The following SORBS2 variants were observed in gnomAD, a reference collection of about 807,000 sequenced individuals.
SORBS2 encodes sorbin and SH3 domain containing 2.
In SORBS2, 46 loss-of-function variants were observed where a neutral mutation model predicts 97.7. The observed-to-expected ratio is 0.47, with a 90% CI of 0.37 to 0.60. SORBS2 has a LOEUF of 0.60. Among genes scored for constraint, SORBS2 ranks in the 20% least tolerant of loss-of-function variants. SORBS2 has a pLI of 0.00. For synonymous variants in SORBS2, 476 were observed against 473.4 expected, an observed-to-expected ratio of 1.01 and a Z score of -0.07; for missense variants, 1,316 against 1,282.3, an observed-to-expected ratio of 1.03 and a Z score of -0.40.
chr4:185,750,379 T>C (rs1231804972), intron 2 of SORBS2, among the ~76,000 whole-genome samples: 4 of 152,236 alleles, frequency 2.6e-5, no homozygotes, highest in Non-Finnish European at 5.9e-5. Context: ...CAGGAAGAAC[T>C]GAGAGCGGGT....
Position 185,649,458 on chromosome 4 carries a change from A to G in SORBS2, c.281+9T>C, listed in dbSNP as rs1354783893. ...GAAACATAGGCCACCCTGGGGGGAA[A>G]TGCCTTACTTTTCTGTTGAAGACCG... On this transcript the variant is annotated intron_variant, in intron 3 of 14. Coordinates refer to ENST00000418609, the Ensembl canonical transcript of SORBS2. 4 of 1,560,164 alleles carry G rather than the reference A, an allele frequency of 2.6e-6. No homozygotes were observed. Among genetic ancestry groups the G allele is most frequent in the East Asian group, 4.8e-5 (2 of 41,858 alleles).
chr4:185,671,451 T>C (rs930714880), intron 4 of SORBS2, among the ~76,000 whole-genome samples: 2 of 152,212 alleles, frequency 1.3e-5, no homozygotes, highest in African/African-American at 4.8e-5. Flanking sequence ...GGCAACTTGT[T>C]TAATTTCCTT....
chr4:185,661,678 A>G (rs2097524419), upstream of SORBS2, among the ~76,000 whole-genome samples: 1 of 152,040 alleles, frequency 6.6e-6, no homozygotes, highest in South Asian at 2.1e-4. Flanking sequence ...GCTATGTGGG[A>G]CAGCCTGTCC....
chr4:185,905,149 C>G (rs2099250067), intron 1 of SORBS2, among the ~76,000 whole-genome samples: 1 of 151,958 alleles, frequency 6.6e-6, no homozygotes, highest in African/African-American at 2.4e-5. Flanking sequence ...GCCAGCCTAC[C>G]AGACCATCTG....
At chr4:185,798,569 G>A (rs1265766156) in intron 1 of SORBS2, among the ~76,000 whole-genome samples, 4 of 152,034 alleles carry the variant, frequency 2.6e-5, no homozygotes, top group Admixed American at 6.5e-5. Context: ...AAAAAGCCTC[G>A]TTTTTAAAAA....
chr4:185,617,010 A>C (rs2096638587), intron 9 of SORBS2, among the ~76,000 whole-genome samples: 1 of 152,160 alleles, frequency 6.6e-6, no homozygotes, highest in South Asian at 2.1e-4. Context: ...TGGCCTCCCA[A>C]AGTGCTGGGA....
At chr4:185,828,579 G>T (rs1433883461) in intron 1 of SORBS2, among the ~76,000 whole-genome samples, 1 of 151,950 alleles carries the variant, frequency 6.6e-6, no homozygotes, top group Admixed American at 6.6e-5. Context: ...GAGTTTCCCT[G>T]ACAGGTAGCA....
intron 1 of SORBS2, among the ~76,000 whole-genome samples, chr4:185,948,663 G>A (rs1282100939): frequency 1.3e-5 from 2 of 151,606 alleles, no homozygotes; most frequent in African/African-American, 4.8e-5. Context: ...GATTACAGGT[G>A]TCCGCCACCA....
intron 1 of SORBS2, chr4:185,810,959 T>A (rs145219495): frequency 6.6e-6 from 1 of 152,310 alleles, no homozygotes; most frequent in African/African-American, 2.4e-5. Flanking sequence ...TAGAACTCAA[T>A]GCAGAGGCTT....
intron 1 of SORBS2, among the ~76,000 whole-genome samples, chr4:185,874,421 C>T (rs544651892): frequency 6.6e-5 from 10 of 152,084 alleles, no homozygotes; most frequent in Admixed American, 1.3e-4. Context: ...GGTAAGAGTT[C>T]GGGTCAGTCT....
At chr4:185,608,752 C>A (rs1158094118) in intron 12 of SORBS2, among the ~76,000 whole-genome samples, 2 of 152,110 alleles carry the variant, frequency 1.3e-5, no homozygotes, top group African/African-American at 2.4e-5. Context: ...TGCCTAAAAG[C>A]CTTGAGAAGG....
rs745331385 is a variant in SORBS2 at position 185,630,533 on chromosome 4, A to G, written c.446+16T>C. 2.0e-6 allele frequency: 3 copies of G among 1,531,454 alleles called. No individual in the cohort carries two copies. In the South Asian group the frequency reaches 3.5e-5, roughly 18 times the overall value. 94.9% of individuals were successfully genotyped at this position (1,531,454 alleles called of 1,614,324 possible). A position where few individuals can be genotyped will look rare whatever the true frequency, so the allele number is the denominator to read the frequency against. On this transcript the variant is annotated intron_variant, in intron 5 of 14. Coordinates refer to ENST00000418609, the Ensembl canonical transcript of SORBS2. ...CTGGTATAGAATATTCTGCTACAAC[A>G]TAATAAGATTCTTACCTCATGGGTC...
chr4:185,905,385 C>T (rs1019923201), intron 1 of SORBS2, among the ~76,000 whole-genome samples: 1 of 152,112 alleles, frequency 6.6e-6, no homozygotes, highest in Non-Finnish European at 1.5e-5. Flanking sequence ...AGTGTTTTAT[C>T]TTCTCAAGAG....
At chr4:185,793,681 G>T (rs2099091720) in intron 1 of SORBS2, among the ~76,000 whole-genome samples, 1 of 152,106 alleles carries the variant, frequency 6.6e-6, no homozygotes, top group South Asian at 2.1e-4. Flanking sequence ...GCGTGTCTGG[G>T]CCAAAGATTT....
chr4:185,847,607 T>C (rs1388696873), intron 1 of SORBS2, among the ~76,000 whole-genome samples: 3 of 152,132 alleles, frequency 2.0e-5, no homozygotes, highest in Non-Finnish European at 4.4e-5. Flanking sequence ...ATGGCATGTG[T>C]GAAATTCCAC....
chr4:185,854,682 T>C (rs999448063), intron 1 of SORBS2, among the ~76,000 whole-genome samples: 4 of 152,148 alleles, frequency 2.6e-5, no homozygotes, highest in African/African-American at 9.7e-5. Flanking sequence ...ACTCTCAAAG[T>C]GTTTCTCTTA....
intron 1 of SORBS2, among the ~76,000 whole-genome samples, chr4:185,793,634 T>C (rs987228805): frequency 2.0e-5 from 3 of 152,198 alleles, no homozygotes; most frequent in Non-Finnish European, 4.4e-5. Context: ...TTGAGCCTTG[T>C]TTGGTCAATA....
At chr4:185,653,091 A>G (rs1456131916) in intron 1 of SORBS2, among the ~76,000 whole-genome samples, 3 of 152,246 alleles carry the variant, frequency 2.0e-5, no homozygotes, top group Non-Finnish European at 4.4e-5. Context: ...GTAGATAATG[A>G]TCATTATCCT....
At chr4:185,698,774 C>A (rs2098216258) in intron 2 of SORBS2, among the ~76,000 whole-genome samples, 1 of 152,126 alleles carries the variant, frequency 6.6e-6, no homozygotes, top group South Asian at 2.1e-4. Context: ...TGCCCAATCA[C>A]AGCACAAGTC....
Sources: allele counts gnomAD v4.1 joint callset (sites outside exome capture counted in the v4.1 genomes callset), GRCh38; gene constraint gnomAD v4.1.1; transcripts MANE v1.5; gene names NCBI Gene and HGNC (gene_info 2026-07-23, HGNC 2026-07-21).